PEAK1: variants seen among roughly 807,000 people sequenced by gnomAD.
PEAK1 encodes the protein pseudopodium enriched atypical kinase 1, also known as inactive tyrosine-protein kinase PEAK1.
In PEAK1, 54 loss-of-function variants were observed where a neutral mutation model predicts 124.7. The ratio of observed to expected loss-of-function variants is 0.43; its 90% confidence interval spans 0.35 to 0.54. The LOEUF (loss-of-function observed/expected upper bound fraction) is 0.54, where lower values mean the gene tolerates loss of function less well. Among genes scored for constraint, PEAK1 ranks in the 20% least tolerant of loss-of-function variants. The pLI, the probability that PEAK1 is intolerant of heterozygous loss-of-function variation, is 0.01. For synonymous variants in PEAK1, 719 were observed against 760.0 expected (o/e 0.95, Z 0.89); for missense variants, 2,046 against 2,134.5 (o/e 0.96, Z 0.82).
At chr15:77,343,174 T>C (rs1488241911) in intron 2 of PEAK1, among the ~76,000 whole-genome samples, 1 of 152,232 alleles carries the variant, frequency 6.6e-6, no homozygotes, top group Non-Finnish European at 1.5e-5. Context: ...GCTATCCTAA[T>C]AGGTGTAAAG....
intron 5 of PEAK1, among the ~76,000 whole-genome samples, chr15:77,271,474 T>C (rs1347885200): frequency 3.9e-5 from 6 of 152,158 alleles, no homozygotes; most frequent in Non-Finnish European, 8.8e-5. Context: ...TAAAGACACA[T>C]GCATATGTAT....
intron 2 of PEAK1, chr15:77,333,187 A>G: frequency 1.1e-6 from 1 of 930,368 alleles, no homozygotes; most frequent in Non-Finnish European, 1.3e-6. Context: ...GTCTCACTTT[A>G]TTGCTCAGGC....
At chr15:77,390,230 G>T (rs988856733) in intron 1 of PEAK1, among the ~76,000 whole-genome samples, 1 of 152,202 alleles carries the variant, frequency 6.6e-6, no homozygotes, top group Admixed American at 6.5e-5. Flanking sequence ...ATCTGTGGGG[G>T]AAGTGGAGCA....
At chr15:77,391,633 C>A (rs148018567) in intron 1 of PEAK1, among the ~76,000 whole-genome samples, 4 of 152,164 alleles carry the variant, frequency 2.6e-5, no homozygotes, top group African/African-American at 4.8e-5. Flanking sequence ...TACCCACCAG[C>A]AAGTATCCAA....
intron 1 of PEAK1, among the ~76,000 whole-genome samples, chr15:77,371,877 C>T (rs563912317): frequency 6.6e-6 from 1 of 152,332 alleles, no homozygotes; most frequent in East Asian, 1.9e-4. Flanking sequence ...GAGGAAGACT[C>T]TGTCCCAAAA....
At chr15:77,364,161 C>T (rs541480279) in intron 2 of PEAK1, among the ~76,000 whole-genome samples, 47 of 151,948 alleles carry the variant, frequency 3.1e-4, no homozygotes, top group African/African-American at 9.9e-4. Context: ...ATGTTGCCAC[C>T]GCACTCCAGC....
At chr15:77,249,505 G>A (rs1224863760) in intron 6 of PEAK1, among the ~76,000 whole-genome samples, 1 of 152,138 alleles carries the variant, frequency 6.6e-6, no homozygotes, top group East Asian at 1.9e-4. Context: ...TTAGAAATCT[G>A]ATTCTATTCT....
intron 2 of PEAK1, chr15:77,350,760 A>G: frequency 1.0e-6 from 1 of 983,358 alleles, no homozygotes; most frequent in Non-Finnish European, 1.2e-6. Flanking sequence ...GGATTAATAA[A>G]GACAGATCAA....
intron 1 of PEAK1, chr15:77,419,501 C>G: frequency 1.0e-6 from 1 of 985,356 alleles, no homozygotes; most frequent in Non-Finnish European, 1.2e-6. Flanking sequence ...AGGGAGCCAC[C>G]CGGCTCCGTC....
chr15:77,233,483 C>T (rs1752021635), intron 6 of PEAK1, among the ~76,000 whole-genome samples: 1 of 152,190 alleles, frequency 6.6e-6, no homozygotes, highest in South Asian at 2.1e-4. Flanking sequence ...AACTCATTGT[C>T]CAGTTCCATC....
chr15:77,180,848 A>G lies in PEAK1; in HGVS notation c.1079T>C (p.Leu360Ser), dbSNP rs375060880. ...EESRSETASS[L>S]SQKICNGGLS... ...TCCCCCATTACAAATCTTCTGGGAT[A>G]AACTACTGGCTGTCTCAGAACGTGA... Residue 360 changes from leucine (L) to serine (S), a missense_variant, in exon 7 of 10, where the codon TTA becomes TCA. Transcript: ENST00000682557. 1.4e-4 allele frequency: 229 copies of G among 1,613,958 alleles called. No homozygotes were observed. The highest frequency in any genetic ancestry group is 4.9e-4 in the Middle Eastern group (3 of 6,062).
At chr15:77,284,637 T>C (rs2062829590) in intron 4 of PEAK1, among the ~76,000 whole-genome samples, 1 of 152,182 alleles carries the variant, frequency 6.6e-6, no homozygotes, top group Non-Finnish European at 1.5e-5. Flanking sequence ...GATGGAAATA[T>C]TATTTTGGTG....
chr15:77,191,920 C>A (rs1188596586), intron 6 of PEAK1, among the ~76,000 whole-genome samples: 1 of 152,068 alleles, frequency 6.6e-6, no homozygotes, highest in Admixed American at 6.6e-5. Context: ...AAAGATGACC[C>A]TGTGGTCTGT....
chr15:77,260,593 GATAAA>G (rs2061388280), intron 5 of PEAK1, among the ~76,000 whole-genome samples: 1 of 152,090 alleles, frequency 6.6e-6, no homozygotes, highest in African/African-American at 2.4e-5. Context: ...AACTTCTAGA[GATAAA>G]ATATATAGAG....
intron 5 of PEAK1, among the ~76,000 whole-genome samples, chr15:77,267,678 A>AG (rs1401286620): frequency 6.6e-6 from 1 of 152,192 alleles, no homozygotes; most frequent in Non-Finnish European, 1.5e-5. Flanking sequence ...CACCACATGA[A>AG]GGGAGCAACC....
intron 2 of PEAK1, among the ~76,000 whole-genome samples, chr15:77,300,443 C>T (rs1203375766): frequency 6.6e-6 from 1 of 152,092 alleles, no homozygotes; most frequent in African/African-American, 2.4e-5. Context: ...GGTATCTATT[C>T]CTTTTCTTTC....
intron 2 of PEAK1, chr15:77,346,338 T>C (rs544607125): frequency 1.0e-6 from 1 of 980,254 alleles, no homozygotes; most frequent in East Asian, 1.1e-4. Context: ...TTTTAACTCA[T>C]TTTGTAAACC....
chr15:77,313,682 G>GTATATATATATATATATA (rs1567244747), intron 2 of PEAK1, among the ~76,000 whole-genome samples: 10 of 118,606 alleles, frequency 8.4e-5, no homozygotes, highest in African/African-American at 4.0e-4. Flanking sequence ...GTGTGTGTGT[G>GTATATATATATATATATA]TGTGTGTGTG....
chr15:77,221,667 A>G (rs891528667), intron 6 of PEAK1, among the ~76,000 whole-genome samples: 5 of 152,150 alleles, frequency 3.3e-5, no homozygotes, highest in African/African-American at 1.2e-4. Context: ...TTTTAGGCAC[A>G]CTATAAGAAA....
Sources: gnomAD v4.1 joint callset for allele counts (sites outside exome capture counted in the v4.1 genomes callset) on GRCh38, gnomAD v4.1.1 for gene constraint, MANE v1.5 for transcripts, NCBI Gene and HGNC (gene_info 2026-07-23, HGNC 2026-07-21) for gene names.